Variants in NXPE4 observed in about 807,000 individuals in gnomAD.
NXPE4 encodes the protein neurexophilin and PC-esterase domain family member 4.
In NXPE4, 42 loss-of-function variants were observed where a neutral mutation model predicts 33.3. The observed-to-expected ratio is 1.26, with a 90% CI of 0.98 to 1.63. NXPE4 has a LOEUF of 1.63. NXPE4 is among the 40% of genes most tolerant of loss of function. The pLI is 0.00. For synonymous variants in NXPE4, 253 were observed against 234.9 expected (o/e 1.08, Z -0.71); for missense variants, 709 against 647.6 (o/e 1.09, Z -1.03).
chr11:114,655,933 T>C, the NXPE4 span, among the ~76,000 whole-genome samples: 1 of 152,104 alleles, frequency 6.6e-6, no homozygotes, highest in Admixed American at 6.6e-5. Flanking sequence ...GCTAGGGCAA[T>C]CAGGCAAGAG....
chr11:114,629,370 A>G, the NXPE4 span, among the ~76,000 whole-genome samples: 60 of 152,064 alleles, frequency 3.9e-4, no homozygotes, highest in Middle Eastern at 3.4e-3. Flanking sequence ...TTCAATATAC[A>G]CAAATCAATA....
At chr11:114,626,074 T>C in the NXPE4 span, among the ~76,000 whole-genome samples, 1 of 152,140 alleles carries the variant, frequency 6.6e-6, no homozygotes, top group Admixed American at 6.5e-5. Flanking sequence ...GAGATCAAAC[T>C]GCAAGGCGGC....
the NXPE4 span, among the ~76,000 whole-genome samples, chr11:114,615,781 A>G: frequency 4.0e-5 from 6 of 151,656 alleles, no homozygotes; most frequent in Non-Finnish European, 7.4e-5. Context: ...ATGGGTAACC[A>G]CTGTTACCCA....
the NXPE4 span, among the ~76,000 whole-genome samples, chr11:114,619,466 G>C: frequency 6.7e-6 from 1 of 149,414 alleles, no homozygotes; most frequent in Admixed American, 6.6e-5. Context: ...TGCCTCGTGG[G>C]TAACCACTGT....
At chr11:114,672,762 C>T in the NXPE4 span, among the ~76,000 whole-genome samples, 27,320 of 151,586 alleles carry the variant, frequency 0.18, 2,785 homozygotes, top group Non-Finnish European at 0.22. Context: ...GGAGATATAA[C>T]ACTGAGAAAA....
At chr11:114,672,146 A>G in the NXPE4 span, among the ~76,000 whole-genome samples, 11 of 152,108 alleles carry the variant, frequency 7.2e-5, no homozygotes, top group Non-Finnish European at 1.0e-4. Flanking sequence ...GTCCACCCCC[A>G]TGATTCAATC....
the NXPE4 span, among the ~76,000 whole-genome samples, chr11:114,643,012 G>A: frequency 1.3e-5 from 2 of 152,122 alleles, no homozygotes; most frequent in African/African-American, 2.4e-5. Context: ...CTAATGACCA[G>A]TGATGATGAG....
the NXPE4 span, among the ~76,000 whole-genome samples, chr11:114,612,100 G>C: frequency 4.6e-5 from 7 of 151,432 alleles, no homozygotes; most frequent in South Asian, 1.5e-3. Flanking sequence ...TTGAGTCACG[G>C]GTAACCACTG....
intron 2 of NXPE4, among the ~76,000 whole-genome samples, chr11:114,590,580 T>G (rs181089649): frequency 2.1e-4 from 32 of 152,326 alleles, no homozygotes; most frequent in African/African-American, 7.2e-4. Flanking sequence ...AAGCAAGCCT[T>G]ACTTAAGGTA....
rs1291591068 is a variant in NXPE4, at chr11:114,580,273, C to T, written c.958G>A (p.Val320Ile). The T allele has an allele frequency of 6.2e-7, 1 of 1,614,056 alleles. No individual in the cohort carries two copies. Among genetic ancestry groups the T allele is most frequent in the Admixed American group, 1.7e-5 (1 of 60,020 alleles). ...GMTSTIPSGH[V>I]WRNTWNPVSC... Reference sequence around the variant, plus strand: ...ACAGGATTCCATGTGTTTCTCCAGACATGCCCACTGGGGATTGTGGATGTC... The same window carrying T: ...ACAGGATTCCATGTGTTTCTCCAGATATGCCCACTGGGGATTGTGGATGTC... The change falls in exon 5 of 6, where the codon GTC (valine) becomes ATC (isoleucine). Residue 320 changes from valine (V) to isoleucine (I), a missense_variant. Physicochemically the swap from Val to Ile is conservative, Grantham distance 29. Transcript: ENST00000375478.
the NXPE4 span, among the ~76,000 whole-genome samples, chr11:114,631,946 G>A: frequency 6.6e-6 from 1 of 150,588 alleles, no homozygotes; most frequent in Non-Finnish European, 1.5e-5. Flanking sequence ...ATATTGCCTT[G>A]TAGGTAACTA....
Position 114,571,489 on chromosome 11 carries a change from C to A in NXPE4, c.1100-16G>T. On this transcript the variant is annotated splice_polypyrimidine_tract_variant and intron_variant, in intron 5 of 5. Coordinates refer to ENST00000375478, the MANE Select transcript of NXPE4 (RefSeq NM_001077639.2). ...GACTTCAGTGCTGATAACAAATAGG[C>A]AATCCCAAAATAAAAGGAGGATATA... is the stretch of plus-strand genomic sequence containing the variant. 1 of 1,568,998 alleles carries A rather than the reference C, an allele frequency of 6.4e-7. No individual in the cohort carries two copies. Among genetic ancestry groups the A allele is most frequent in the Non-Finnish European group, 8.7e-7 (1 of 1,155,606 alleles).
At chr11:114,637,365 G>C in the NXPE4 span, among the ~76,000 whole-genome samples, 2 of 151,964 alleles carry the variant, frequency 1.3e-5, no homozygotes, top group African/African-American at 4.8e-5. Flanking sequence ...GTCTCTGCCT[G>C]TGAGATGGGT....
chr11:114,592,241 T>C (rs1164450348), intron 2 of NXPE4, among the ~76,000 whole-genome samples: 2 of 152,186 alleles, frequency 1.3e-5, no homozygotes, highest in Non-Finnish European at 2.9e-5. Context: ...TTGTCCCTGT[T>C]TGCAGACCAC....
chr11:114,652,240 A>G, the NXPE4 span, among the ~76,000 whole-genome samples: 2 of 152,224 alleles, frequency 1.3e-5, no homozygotes, highest in Non-Finnish European at 2.9e-5. Flanking sequence ...AATTTGGTGC[A>G]TGAAAAAGTA....
chr11:114,583,002 A>G lies in NXPE4; in HGVS notation c.116T>C (p.Leu39Ser). 1 of 1,612,632 alleles carries G rather than the reference A, an allele frequency of 6.2e-7. No individual in the cohort carries two copies. Among genetic ancestry groups the G allele is most frequent in the Non-Finnish European group, 8.5e-7 (1 of 1,179,662 alleles). The change falls in exon 3 of 6, where the codon TTA becomes TCA. Residue 39 changes from leucine to serine, a missense_variant. Coordinates refer to ENST00000375478, the MANE Select transcript of NXPE4 (RefSeq NM_001077639.2). ...NSTKVWSALNLSISLHYWNNS... is the reference protein window; with the variant it reads ...NSTKVWSALNSSISLHYWNNS... ...GTTCCAGTAATGGAGGGAGATGGAT[A>G]AGTTTAGAGCAGACCAAACCTGAAA...
the NXPE4 span, among the ~76,000 whole-genome samples, chr11:114,607,807 CT>C: frequency 6.6e-6 from 1 of 151,594 alleles, no homozygotes; most frequent in South Asian, 2.1e-4. Flanking sequence ...AGTGTTGCCT[CT>C]TCAGTAACCA....
In NXPE4 at chr11:114,582,716, G is replaced by T; in HGVS notation, c.402C>A (p.Gly134=). 1 of 1,614,100 alleles carries T rather than the reference G, an allele frequency of 6.2e-7. No individual in the cohort carries two copies. Among genetic ancestry groups the T allele is most frequent in the Non-Finnish European group, 8.5e-7 (1 of 1,179,996 alleles). ...ACATCCTGGCCCTCAGGAAATCCCC[G>T]CCATATTGCTTCCTGCGTCCCAAGT... ...RDHLGRRKQY[G]GDFLRARMSS... Residue 134 remains glycine, a synonymous_variant, in exon 3 of 6, where the codon GGC becomes GGA. Transcript: ENST00000375478.
chr11:114,657,264 A>C, the NXPE4 span, among the ~76,000 whole-genome samples: 1 of 152,146 alleles, frequency 6.6e-6, no homozygotes, highest in Non-Finnish European at 1.5e-5. Context: ...TGTTTTTAGC[A>C]CAGAGGTTCT....
Sources: allele counts gnomAD v4.1 joint callset (sites outside exome capture counted in the v4.1 genomes callset), GRCh38; gene constraint gnomAD v4.1.1; transcripts MANE v1.5; gene names NCBI Gene and HGNC (gene_info 2026-07-23, HGNC 2026-07-21).